The following MAP3K4 variants were observed in gnomAD, a reference collection of about 807,000 sequenced individuals.
MAP3K4 encodes MAP three kinase 1.
In MAP3K4, 67 loss-of-function variants were observed where a neutral mutation model predicts 185.6. The observed-to-expected ratio is 0.36, with a 90% CI of 0.30 to 0.44. The LOEUF (loss-of-function observed/expected upper bound fraction) is 0.44, where lower values mean the gene tolerates loss of function less well. MAP3K4 is among the 20% of genes least tolerant of loss of function. The probability of loss-of-function intolerance (pLI) is 1.00; values close to 1 mark genes in which losing one functional copy is unlikely to be tolerated. For synonymous variants in MAP3K4, 702 were observed against 710.4 expected, an observed-to-expected ratio of 0.99 and a Z score of 0.19; for missense variants, 1,551 against 1,995.1, an observed-to-expected ratio of 0.78 and a Z score of 4.24.
chr6:161,042,908 G>GCACACACACA (rs58595402), intron 2 of MAP3K4, among the ~76,000 whole-genome samples: 1 of 149,386 alleles, frequency 6.7e-6, no homozygotes, highest in Non-Finnish European at 1.5e-5. Context: ...ATGAGAATTT[G>GCACACACACA]CACACACACA....
intron 1 of MAP3K4, among the ~76,000 whole-genome samples, chr6:161,002,448 T>G (rs1419137666): frequency 2.0e-5 from 3 of 152,126 alleles, no homozygotes; most frequent in Non-Finnish European, 4.4e-5. Context: ...GTGAGTGAAA[T>G]CTTCTCGCTT....
rs946593601 is a variant in MAP3K4 at position 161,091,379 on chromosome 6, A to G, written c.2974A>G (p.Asn992Asp). The change falls in exon 12 of 27, where the codon AAT becomes GAT. Residue 992 changes from asparagine to aspartate, a missense_variant and splice_region_variant. Coordinates refer to ENST00000392142, the MANE Select transcript of MAP3K4 (RefSeq NM_005922.4). This position sits in a 1 kb window ranked among gnomAD's most constrained non-coding sequence, Gnocchi z 5.5. ...VIAKALQQLK[N>D]DALELCNRIS... ...ATTAATCATGGTTTGGACTCTTCAG[A>G]ATGATGCATTGGAGCTATGCAACAG... 6.2e-7 allele frequency: 1 copy of G among 1,613,018 alleles called. No individual in the cohort carries two copies. The highest frequency in any genetic ancestry group is 2.2e-5 in the East Asian group (1 of 44,858).
At position 161,089,487 on chromosome 6, in the gene MAP3K4, C is replaced by T. The variant is rs1212997412; in HGVS notation, c.2973+16C>T. 6.2e-7 allele frequency: 1 copy of T among 1,611,358 alleles called. No homozygotes were observed. The highest frequency in any genetic ancestry group is 8.5e-7 in the Non-Finnish European group (1 of 1,179,204). ...GCAGCTGAAGGTATTACACTGTCCT[C>T]TACATTAGCTGAGATTTTTCCTTTT... On this transcript the variant is annotated intron_variant, in intron 11 of 26. Transcript: ENST00000392142.
At chr6:161,004,207 T>G (rs867477978) in intron 1 of MAP3K4, among the ~76,000 whole-genome samples, 2 of 152,090 alleles carry the variant, frequency 1.3e-5, no homozygotes, top group South Asian at 2.1e-4. Context: ...AGATTCAAAT[T>G]AAGTTGGGAC....
chr6:161,041,328 T>C (rs1332655423), intron 2 of MAP3K4, among the ~76,000 whole-genome samples: 2 of 152,198 alleles, frequency 1.3e-5, no homozygotes, highest in Non-Finnish European at 2.9e-5. Flanking sequence ...CAGGAGCCCC[T>C]GGGGGCTGGA....
Position 161,080,945 on chromosome 6 carries a change from G to C in MAP3K4, c.2162G>C (p.Ser721Thr). 1 of 1,614,164 alleles carries C rather than the reference G, an allele frequency of 6.2e-7. No individual in the cohort carries two copies. The highest frequency in any genetic ancestry group is 8.5e-7 in the Non-Finnish European group (1 of 1,180,012). The change falls in exon 6 of 27, where the codon AGT becomes ACT. Residue 721 changes from serine to threonine, a missense_variant. This residue lies in a region of MAP3K4 where 130 missense variants were observed against 171.3 expected (regional missense o/e 0.76). Transcript: ENST00000392142. This position sits in a 1 kb window ranked among gnomAD's most constrained non-coding sequence, Gnocchi z 4.8. ...MLQQLPQASHSLKNLLEEEWN... is the reference protein window; with the variant it reads ...MLQQLPQASHTLKNLLEEEWN... ...CAGCAATTACCTCAAGCATCGCATA[G>C]TTTAAAAAATCTGTTAGAAGAAGAA...
At chr6:161,014,914 C>T (rs890730773) in intron 1 of MAP3K4, among the ~76,000 whole-genome samples, 14 of 152,178 alleles carry the variant, frequency 9.2e-5, no homozygotes, top group African/African-American at 2.9e-4. Context: ...ACCCCCTGCC[C>T]GGTCCCCAAC....
chr6:161,098,578 GC>G lies in MAP3K4; in HGVS notation c.3674+154del. The G allele has an allele frequency of 2.3e-6, 2 of 875,298 alleles. No individual in the cohort carries two copies. The highest frequency in any genetic ancestry group is 1.7e-6 in the Non-Finnish European group (1 of 600,208). 54.2% of individuals were successfully genotyped at this position (875,298 alleles called of 1,614,324 possible). On this transcript the variant is annotated intron_variant, in intron 17 of 26. Coordinates refer to ENST00000392142, the MANE Select transcript of MAP3K4 (RefSeq NM_005922.4). This position sits in a 1 kb window ranked among gnomAD's most constrained non-coding sequence, Gnocchi z 4.4. Reference sequence around the variant, plus strand: ...CTAGGGCCTTCCGCAGGTTGTCACGGCCCAGAGGCTCTGGCACTGACCAACA... The same window carrying G: ...CTAGGGCCTTCCGCAGGTTGTCACGGCCAGAGGCTCTGGCACTGACCAACA...
intron 1 of MAP3K4, among the ~76,000 whole-genome samples, chr6:160,992,797 T>A (rs1035711943): frequency 1.3e-5 from 2 of 152,174 alleles, no homozygotes; most frequent in African/African-American, 4.8e-5. Context: ...CATACTCTAT[T>A]AACTTATTTT....
At chr6:161,052,380 A>G (rs952475951) in intron 3 of MAP3K4, among the ~76,000 whole-genome samples, 7 of 152,224 alleles carry the variant, frequency 4.6e-5, no homozygotes, top group South Asian at 4.1e-4. Context: ...GGTTTGACCA[A>G]TTGAGATTTC....
In MAP3K4 at chr6:161,043,435, T is replaced by A. The variant is rs1291059491; in HGVS notation, c.344-5181T>A. 3.9e-5 allele frequency among the ~76,000 whole-genome samples: 6 copies of A among 152,210 alleles called. No individual in the cohort carries two copies. The highest frequency in any genetic ancestry group is 8.8e-5 in the Non-Finnish European group (6 of 68,028). ...TAATCTTTTGTGGTACTCGCTGTCT[T>A]AGCCTTTCCTTGGTCAGTTGGTACT... On this transcript the variant is annotated intron_variant, in intron 2 of 26. Transcript: ENST00000392142. This position sits in a 1 kb window ranked among gnomAD's most constrained non-coding sequence, Gnocchi z 4.3.
chr6:161,023,837 G>A (rs962363512), intron 1 of MAP3K4, among the ~76,000 whole-genome samples: 2 of 152,082 alleles, frequency 1.3e-5, no homozygotes, highest in Admixed American at 1.3e-4. Context: ...TTTAAGTTTA[G>A]TTTTGGCTCT....
At chr6:160,993,251 A>G (rs1393587870) in intron 1 of MAP3K4, among the ~76,000 whole-genome samples, 1 of 152,218 alleles carries the variant, frequency 6.6e-6, no homozygotes, top group Non-Finnish European at 1.5e-5. Flanking sequence ...TACAGGGTGT[A>G]ATGAGAATTC....
rs185429316 is a variant in MAP3K4, at chr6:161,097,517, A to G, written c.3524+341A>G. ...TTTGAATATGGATAGTGTAGTCAAC[A>G]TTTGAAAACATACTAAATATCACTA... On this transcript the variant is annotated intron_variant, in intron 16 of 26. Coordinates refer to ENST00000392142, the MANE Select transcript of MAP3K4 (RefSeq NM_005922.4). The surrounding 1 kb of genome is among the most constrained non-coding windows in gnomAD (Gnocchi z 4.9). Among the ~76,000 whole-genome samples the G allele has an allele frequency of 3.3e-5, 5 of 152,360 alleles. No individual in the cohort carries two copies. The highest frequency in any genetic ancestry group is 1.9e-4 in the East Asian group (1 of 5,180).
intron 2 of MAP3K4, among the ~76,000 whole-genome samples, chr6:161,044,615 A>G (rs770169197): frequency 5.3e-5 from 8 of 152,220 alleles, no homozygotes; most frequent in Non-Finnish European, 1.0e-4. Flanking sequence ...CAGTTGCCAG[A>G]AAGCACTCTT....
intron 2 of MAP3K4, among the ~76,000 whole-genome samples, chr6:161,036,715 A>G (rs1783181454): frequency 6.6e-6 from 1 of 152,216 alleles, no homozygotes; most frequent in East Asian, 1.9e-4. Flanking sequence ...CAAAAGAATT[A>G]TCTTTTGAAT....
rs1245315841 is a variant in MAP3K4 at position 161,022,195 on chromosome 6, T to G, written c.153-12064T>G. ...GTGTTAGAAGTGCTGCACATTGACC[T>G]TCCTGGAACGCAGAGTGTAATCCCT... On this transcript the variant is annotated intron_variant, in intron 1 of 26. Transcript: ENST00000392142. The surrounding 1 kb of genome is among the most constrained non-coding windows in gnomAD (Gnocchi z 4.2). 4.6e-5 allele frequency: 7 copies of G among 152,222 alleles called. No homozygotes were observed. Among genetic ancestry groups the G allele is most frequent in the Admixed American group, 4.6e-4 (7 of 15,288 alleles). 9.4% of individuals were successfully genotyped at this position (152,222 alleles called of 1,614,324 possible). A position where few individuals can be genotyped will look rare whatever the true frequency, so the allele number is the denominator to read the frequency against.
intron 1 of MAP3K4, among the ~76,000 whole-genome samples, chr6:161,019,793 T>C (rs1782292390): frequency 6.6e-6 from 1 of 152,182 alleles, no homozygotes; most frequent in South Asian, 2.1e-4. Flanking sequence ...ATTATTCTTA[T>C]TAACTGTTAC....
rs113675258 is a variant in MAP3K4, at chr6:161,100,611, G to A, written c.3675-1281G>A. The stretch of plus-strand genomic sequence containing the variant: ...CTCTACAACCCACCTCCCCATCCCC[G>A]ACATCCCCCACCAGAGCTAGTCGTT... On this transcript the variant is annotated intron_variant, in intron 17 of 26. Coordinates refer to ENST00000392142, the MANE Select transcript of MAP3K4 (RefSeq NM_005922.4). The surrounding 1 kb of genome is among the most constrained non-coding windows in gnomAD (Gnocchi z 5.8). Among the ~76,000 whole-genome samples the A allele has an allele frequency of 2.6e-5, 4 of 152,070 alleles. No individual in the cohort carries two copies. The highest frequency in any genetic ancestry group is 9.6e-5 in the African/African-American group (4 of 41,492).
Sources: allele counts gnomAD v4.1 joint callset (sites outside exome capture counted in the v4.1 genomes callset), GRCh38; gene constraint gnomAD v4.1.1; regional missense constraint gnomAD v4.1.1; non-coding constraint Gnocchi (gnomAD v3.1); transcripts MANE v1.5; gene names NCBI Gene and HGNC (gene_info 2026-07-23, HGNC 2026-07-21).